The following B3GALT1 variants were observed in gnomAD, a reference collection of about 807,000 sequenced individuals.
B3GALT1 encodes the protein UDP-Gal:betaGlcNAc beta 1,3-galactosyltransferase, polypeptide 1.
In B3GALT1, 10 loss-of-function variants were observed where a neutral mutation model predicts 23.2. The observed-to-expected ratio is 0.43, with a 90% CI of 0.27 to 0.73. The LOEUF (loss-of-function observed/expected upper bound fraction) is 0.73, where lower values mean the gene tolerates loss of function less well. Ranked by LOEUF, B3GALT1 falls within the 30% of genes least tolerant of loss-of-function variation. The pLI is 0.21. For missense variants in B3GALT1, 299 were observed against 405.4 expected, an observed-to-expected ratio of 0.74 and a Z score of 2.25; for synonymous variants, 156 against 141.5, an observed-to-expected ratio of 1.10 and a Z score of -0.73.
chr2:167,584,904 T>C (rs1207529093), intron 2 of B3GALT1, among the ~76,000 whole-genome samples: 1 of 152,194 alleles, frequency 6.6e-6, no homozygotes, highest in Non-Finnish European at 1.5e-5. Flanking sequence ...TTTTGGGTTT[T>C]TATGGAAGCT....
chr2:167,505,077 A>G (rs898907822), intron 2 of B3GALT1, among the ~76,000 whole-genome samples: 4 of 152,218 alleles, frequency 2.6e-5, no homozygotes, highest in Non-Finnish European at 5.9e-5. Flanking sequence ...AGCATGTATG[A>G]TATGCTACCA....
Position 167,591,531 on chromosome 2 carries a change from T to C in B3GALT1, c.-409-55378T>C, listed in dbSNP as rs192318452. 3.3e-5 allele frequency among the ~76,000 whole-genome samples: 5 copies of C among 152,214 alleles called. No homozygotes were observed. The East Asian group carries it at 9.7e-4, about 29-fold the overall frequency. On this transcript the variant is annotated intron_variant, in intron 2 of 4. Coordinates refer to ENST00000392690, the MANE Select transcript of B3GALT1 (RefSeq NM_020981.4). ...TGTCTTCTAGGGTGAAGTGCGGTGG[T>C]GCAGTCACACTCACTGTAACATCAG...
chr2:167,431,894 C>T (rs1698710694), intron 1 of B3GALT1, among the ~76,000 whole-genome samples: 1 of 152,124 alleles, frequency 6.6e-6, no homozygotes. Context: ...ATCCACAACA[C>T]AACATTGGAA....
At chr2:167,360,095 T>A (rs572726158) in intron 1 of B3GALT1, among the ~76,000 whole-genome samples, 55 of 152,300 alleles carry the variant, frequency 3.6e-4, no homozygotes, top group Non-Finnish European at 6.3e-4. Context: ...ATTTAATTTT[T>A]AAAAATTTTT....
At chr2:167,549,389 G>A (rs914885695) in intron 2 of B3GALT1, among the ~76,000 whole-genome samples, 1 of 152,126 alleles carries the variant, frequency 6.6e-6, no homozygotes, top group Admixed American at 6.5e-5. Context: ...TTTCCACAGT[G>A]CCCTGCTGCC....
chr2:167,491,679 G>A (rs1219434541), intron 2 of B3GALT1, among the ~76,000 whole-genome samples: 8 of 151,868 alleles, frequency 5.3e-5, no homozygotes, highest in African/African-American at 1.9e-4. Flanking sequence ...CCCAGGCGTG[G>A]TGGCGGGTGT....
intron 2 of B3GALT1, among the ~76,000 whole-genome samples, chr2:167,578,624 C>A (rs890059253): frequency 6.6e-6 from 1 of 151,724 alleles, no homozygotes; most frequent in African/African-American, 2.4e-5. Context: ...CCAAAGCAAC[C>A]AAAATGTTCT....
At chr2:167,505,457 A>G (rs554106065) in intron 2 of B3GALT1, among the ~76,000 whole-genome samples, 41 of 152,286 alleles carry the variant, frequency 2.7e-4, no homozygotes, top group African/African-American at 8.7e-4. Flanking sequence ...TGATATTAAC[A>G]CTCACAAATT....
At chr2:167,562,191 A>G (rs1190189504) in intron 2 of B3GALT1, among the ~76,000 whole-genome samples, 1 of 152,300 alleles carries the variant, frequency 6.6e-6, no homozygotes, top group South Asian at 2.1e-4. Flanking sequence ...TATAAACAGA[A>G]CCAAAGGCAA....
intron 2 of B3GALT1, among the ~76,000 whole-genome samples, chr2:167,502,947 G>A (rs1261221693): frequency 6.6e-6 from 1 of 152,112 alleles, no homozygotes; most frequent in African/African-American, 2.4e-5. Context: ...GCTGAGGCAC[G>A]AGAATCACTT....
At chr2:167,665,111 G>A (rs1397926896) in intron 3 of B3GALT1, among the ~76,000 whole-genome samples, 2 of 151,932 alleles carry the variant, frequency 1.3e-5, no homozygotes, top group Non-Finnish European at 2.9e-5. Flanking sequence ...GTCATAGTTA[G>A]CTCTTATTAT....
At chr2:167,617,735 C>A (rs1275752508) in intron 2 of B3GALT1, among the ~76,000 whole-genome samples, 3 of 151,780 alleles carry the variant, frequency 2.0e-5, no homozygotes, top group Non-Finnish European at 2.9e-5. Context: ...TAAAAATCAC[C>A]CAGCCTAATT....
chr2:167,532,860 T>TC (rs1574122818), intron 2 of B3GALT1, among the ~76,000 whole-genome samples: 1 of 147,940 alleles, frequency 6.8e-6, no homozygotes, highest in East Asian at 2.0e-4. Context: ...GCATCTTTTT[T>TC]TTTTTTTTTT....
chr2:167,787,259 G>A (rs1050075965), intron 3 of B3GALT1, among the ~76,000 whole-genome samples: 1 of 152,186 alleles, frequency 6.6e-6, no homozygotes, highest in African/African-American at 2.4e-5. Flanking sequence ...GTCACATGGA[G>A]ATAAGAGCAC....
chr2:167,440,337 T>G (rs1021475491), intron 1 of B3GALT1, among the ~76,000 whole-genome samples: 21 of 132,922 alleles, frequency 1.6e-4, no homozygotes, highest in African/African-American at 6.3e-4. Flanking sequence ...AGAGCGAGAC[T>G]CTGTCTGAAA....
intron 1 of B3GALT1, among the ~76,000 whole-genome samples, chr2:167,337,663 A>G (rs1344625674): frequency 6.6e-6 from 1 of 151,824 alleles, no homozygotes; most frequent in African/African-American, 2.4e-5. Context: ...TTCTAGAGAC[A>G]GTGTTGTTAG....
At position 167,715,819 on chromosome 2, in the gene B3GALT1, A is replaced by T. The variant is rs192709289; in HGVS notation, c.-352+68853A>T. On this transcript the variant is annotated intron_variant, in intron 3 of 4. Coordinates refer to ENST00000392690, the MANE Select transcript of B3GALT1 (RefSeq NM_020981.4). ...TACATTTTTCTTCAATTAGTCCAGAAAGCATTTCACCAAGTTTTTTTCTCT... is the reference window on the plus strand; with the variant it reads ...TACATTTTTCTTCAATTAGTCCAGATAGCATTTCACCAAGTTTTTTTCTCT... 5.2e-5 allele frequency: 84 copies of T among 1,613,846 alleles called. No individual in the cohort carries two copies. The East Asian group carries it at 1.8e-3, about 35-fold the overall frequency.
intron 2 of B3GALT1, among the ~76,000 whole-genome samples, chr2:167,602,846 A>G (rs1317364494): frequency 6.6e-6 from 1 of 152,156 alleles, no homozygotes; most frequent in African/African-American, 2.4e-5. Flanking sequence ...AGAGATGGCT[A>G]TTTAGTAGGC....
Position 167,786,052 on chromosome 2 carries a change from G to C in B3GALT1, c.-351-32620G>C, listed in dbSNP as rs1279007780. Among the ~76,000 whole-genome samples the C allele has an allele frequency of 2.0e-5, 3 of 152,200 alleles. No homozygotes were observed. In the South Asian group the frequency reaches 6.2e-4, roughly 32 times the overall value. ...GTTGTTCCCACTAGTCAGATTTTCT[G>C]AGTCACTATAGCTATTAAATCAACA... is the stretch of plus-strand genomic sequence containing the variant. On this transcript the variant is annotated intron_variant, in intron 3 of 4. Transcript: ENST00000392690.
Sources: gnomAD v4.1 joint callset for allele counts (sites outside exome capture counted in the v4.1 genomes callset) on GRCh38, gnomAD v4.1.1 for gene constraint, MANE v1.5 for transcripts, NCBI Gene and HGNC (gene_info 2026-07-23, HGNC 2026-07-21) for gene names.